Variants in TLCD4 observed in about 807,000 individuals in gnomAD.
TLCD4 encodes the protein TLC domain-containing protein 4.
TLCD4 carries 7 observed loss-of-function variants against 24.2 expected under a neutral mutation model. The ratio of observed to expected loss-of-function variants is 0.29; its 90% CI spans 0.16 to 0.54. The LOEUF (loss-of-function observed/expected upper bound fraction) is 0.54, where lower values mean the gene tolerates loss of function less well. TLCD4 is among the 20% of genes least tolerant of loss of function. TLCD4 has a pLI of 0.95. For missense variants in TLCD4, 259 were observed against 313.9 expected (o/e 0.82, Z 1.32); for synonymous variants, 103 against 106.4 (o/e 0.97, Z 0.20).
the TLCD4 span, among the ~76,000 whole-genome samples, chr1:95,108,606 G>A: frequency 3.3e-5 from 5 of 152,276 alleles, no homozygotes; most frequent in East Asian, 9.6e-4. Context: ...TTATAGGTGT[G>A]AGCCACCATC....
At chr1:95,095,123 T>C in the TLCD4 span, among the ~76,000 whole-genome samples, 22 of 152,226 alleles carry the variant, frequency 1.4e-4, no homozygotes, top group Non-Finnish European at 3.1e-4. Context: ...CTTAGCACGG[T>C]GGCTATGCTT....
At chr1:95,125,125 A>G (rs1457707767) in intron 1 of TLCD4, among the ~76,000 whole-genome samples, 1 of 152,202 alleles carries the variant, frequency 6.6e-6, no homozygotes, top group Non-Finnish European at 1.5e-5. Flanking sequence ...CCATGACCAC[A>G]TTCACCAAAT....
the TLCD4 span, among the ~76,000 whole-genome samples, chr1:95,110,835 A>T: frequency 3.7e-4 from 56 of 150,136 alleles, no homozygotes; most frequent in African/African-American, 1.4e-3. Flanking sequence ...TAGCCTGGGC[A>T]ACACGGCAAG....
At chr1:95,157,600 T>C (rs1203651678) in intron 5 of TLCD4, among the ~76,000 whole-genome samples, 2 of 152,230 alleles carry the variant, frequency 1.3e-5, no homozygotes, top group Non-Finnish European at 2.9e-5. Flanking sequence ...TTGGGCAGTC[T>C]TGCTTGACGT....
chr1:95,096,731 C>T, the TLCD4 span, among the ~76,000 whole-genome samples: 1 of 152,196 alleles, frequency 6.6e-6, no homozygotes, highest in Non-Finnish European at 1.5e-5. Flanking sequence ...GACTATTTCA[C>T]TGGACTCTAG....
chr1:95,094,990 C>G, the TLCD4 span, among the ~76,000 whole-genome samples: 2 of 152,252 alleles, frequency 1.3e-5, no homozygotes, highest in African/African-American at 4.8e-5. Context: ...AATTCTAGCT[C>G]CTCTTCTAAT....
At chr1:95,183,057 T>G (rs1678703343) in intron 6 of TLCD4, among the ~76,000 whole-genome samples, 1 of 152,116 alleles carries the variant, frequency 6.6e-6, no homozygotes, top group Non-Finnish European at 1.5e-5. Context: ...AGAAAGACAT[T>G]CTGGAAAGAG....
intron 1 of TLCD4, among the ~76,000 whole-genome samples, chr1:95,129,858 A>T (rs1286210340): frequency 6.6e-6 from 1 of 152,124 alleles, no homozygotes; most frequent in Non-Finnish European, 1.5e-5. Context: ...ATATTAGAGG[A>T]TTTATAGAAA....
intron 1 of TLCD4, among the ~76,000 whole-genome samples, chr1:95,142,660 C>T (rs1051231596): frequency 2.6e-5 from 4 of 151,916 alleles, no homozygotes; most frequent in Non-Finnish European, 5.9e-5. Context: ...AAGTAGTGGC[C>T]CACAATCTAG....
At chr1:95,133,115 G>A (rs186763716) in intron 1 of TLCD4, among the ~76,000 whole-genome samples, 13 of 152,170 alleles carry the variant, frequency 8.5e-5, no homozygotes, top group Non-Finnish European at 1.8e-4. Context: ...TTTATGGAAA[G>A]AGAGGATTGA....
intron 1 of TLCD4, among the ~76,000 whole-genome samples, chr1:95,141,491 C>A (rs1677196770): frequency 6.6e-6 from 1 of 152,262 alleles, no homozygotes; most frequent in Admixed American, 6.5e-5. Context: ...TCTCCATTCT[C>A]TTCTGATTAC....
At chr1:95,183,142 C>T (rs1678706659) in intron 6 of TLCD4, among the ~76,000 whole-genome samples, 3 of 152,036 alleles carry the variant, frequency 2.0e-5, no homozygotes, top group Admixed American at 2.0e-4. Context: ...GTTAGGTTAC[C>T]CAGTTCTTAG....
At chr1:95,156,070 A>C (rs1257703896) in intron 5 of TLCD4, among the ~76,000 whole-genome samples, 6 of 152,162 alleles carry the variant, frequency 3.9e-5, no homozygotes, top group African/African-American at 1.2e-4. Flanking sequence ...GGGCTTAGTA[A>C]GTATAATGTT....
chr1:95,098,499 T>A, the TLCD4 span, among the ~76,000 whole-genome samples: 1 of 152,208 alleles, frequency 6.6e-6, no homozygotes, highest in African/African-American at 2.4e-5. Flanking sequence ...GCCCAGCTCC[T>A]CTGTGCTTCC....
At chr1:95,175,262 T>TTTA (rs1299990541) in intron 6 of TLCD4, among the ~76,000 whole-genome samples, 1 of 152,222 alleles carries the variant, frequency 6.6e-6, no homozygotes, top group Non-Finnish European at 1.5e-5. Context: ...TTTGACTAAA[T>TTTA]AATTCATATG....
chr1:95,168,276 C>T (rs1261546288), intron 5 of TLCD4, among the ~76,000 whole-genome samples: 2 of 152,114 alleles, frequency 1.3e-5, no homozygotes, highest in East Asian at 3.9e-4. Context: ...TTTTAGACTA[C>T]ATCCTATTGC....
At chr1:95,098,189 C>G in the TLCD4 span, among the ~76,000 whole-genome samples, 5 of 152,126 alleles carry the variant, frequency 3.3e-5, no homozygotes, top group Non-Finnish European at 7.4e-5. Flanking sequence ...CAAAGAGGTT[C>G]TCTTTCCTAA....
At chr1:95,190,038 G>T (rs1678969225) in intron 6 of TLCD4, among the ~76,000 whole-genome samples, 1 of 151,496 alleles carries the variant, frequency 6.6e-6, no homozygotes, top group South Asian at 2.1e-4. Flanking sequence ...TCCATTTTTT[G>T]GGATTTTAGC....
At chr1:95,105,427 TACTTTGG>T in the TLCD4 span, among the ~76,000 whole-genome samples, 6 of 152,238 alleles carry the variant, frequency 3.9e-5, no homozygotes, top group Non-Finnish European at 8.8e-5. Flanking sequence ...CTTAGAATTG[TACTTTGG>T]ACTTTAATGT....
Sources: gnomAD v4.1 joint callset for allele counts (sites outside exome capture counted in the v4.1 genomes callset) on GRCh38, gnomAD v4.1.1 for gene constraint, MANE v1.5 for transcripts, NCBI Gene and HGNC (gene_info 2026-07-23, HGNC 2026-07-21) for gene names.